The following DCAF12 variants were observed in gnomAD, a reference collection of about 807,000 sequenced individuals.
The protein encoded by DCAF12 is DDB1 and CUL4 associated factor 12, also known as DDB1- and CUL4-associated factor 12.
In DCAF12, 28 loss-of-function variants were observed where a neutral mutation model predicts 52.8. The ratio of observed to expected loss-of-function variants is 0.53; its 90% CI spans 0.39 to 0.73. The LOEUF is 0.73. DCAF12 is among the 30% of genes least tolerant of loss of function. DCAF12 has a pLI of 0.00. For synonymous variants in DCAF12, 196 were observed against 215.5 expected, an observed-to-expected ratio of 0.91 and a Z score of 0.79; for missense variants, 425 against 552.2, an observed-to-expected ratio of 0.77 and a Z score of 2.31.
intron 1 of DCAF12, 112 bp from the exon 2 acceptor site, chr9:34,125,389 C>T (rs1829233500): frequency 3.2e-6 from 4 of 1,232,030 alleles, no homozygotes; most frequent in South Asian, 2.9e-5. Flanking sequence ...TTACAAACAA[C>T]ACAAATACAA....
chr9:34,091,796 TGAGAAATGGGATAAAGC>T lies in DCAF12; in HGVS notation c.1024+1473_1024+1489del, dbSNP rs1025020223. ...AGGATAACACAGCCATATTTTTGCATGAGAAATGGGATAAAGCGAGAAATGGGATAAAGTGAGATAAA... is the reference window on the plus strand; with the variant it reads ...AGGATAACACAGCCATATTTTTGCATGAGAAATGGGATAAAGTGAGATAAA... On this transcript the variant is annotated intron_variant, in intron 7 of 8. Coordinates refer to ENST00000361264, the MANE Select transcript of DCAF12 (RefSeq NM_015397.4). Among the ~76,000 whole-genome samples, 17 of 152,206 alleles carry T rather than the reference TGAGAAATGGGATAAAGC, an allele frequency of 1.1e-4. No homozygotes were observed. The East Asian group carries it at 1.3e-3, about 12-fold the overall frequency.
chr9:34,112,917 A>C (rs1829027457), intron 2 of DCAF12, among the ~76,000 whole-genome samples: 1 of 152,030 alleles, frequency 6.6e-6, no homozygotes, highest in Non-Finnish European at 1.5e-5. Context: ...AACTAATAAT[A>C]AACAAATGAT....
chr9:34,112,483 A>C (rs1458191586), intron 2 of DCAF12, among the ~76,000 whole-genome samples: 1 of 151,712 alleles, frequency 6.6e-6, no homozygotes, highest in Non-Finnish European at 1.5e-5. Context: ...AATCCTGGCT[A>C]CTCGGGAGGC....
chr9:34,119,188 T>C (rs1393215924), intron 2 of DCAF12, among the ~76,000 whole-genome samples: 2 of 152,170 alleles, frequency 1.3e-5, no homozygotes, highest in Admixed American at 6.6e-5. Context: ...TTTGAGCCCC[T>C]ACTTCGGTCC....
intron 7 of DCAF12, among the ~76,000 whole-genome samples, chr9:34,091,959 T>C (rs551590852): frequency 6.6e-6 from 1 of 152,338 alleles, no homozygotes; most frequent in African/African-American, 2.4e-5. Context: ...TTTTCTCATC[T>C]GCTTCCCACA....
At chr9:34,101,583 G>A (rs1286567836) in intron 4 of DCAF12, among the ~76,000 whole-genome samples, 4 of 150,548 alleles carry the variant, frequency 2.7e-5, no homozygotes, top group African/African-American at 9.8e-5. Context: ...GTAGAGACGG[G>A]GTTTCTCTAT....
At position 34,125,127 on chromosome 9, in the gene DCAF12, T is replaced by C. The variant is rs1248709543; in HGVS notation, c.229A>G (p.Ser77Gly). The change falls in exon 2 of 9, where the codon AGT becomes GGT. Residue 77 changes from serine to glycine, a missense_variant. By Grantham distance (56) the Ser-to-Gly change is moderately conservative. Coordinates refer to ENST00000361264, the MANE Select transcript of DCAF12 (RefSeq NM_015397.4). ...LHGYAAQQLP[S>G]LLKEREFHLG... ...TGAAACTCTCTCTCCTTCAGGAGACTGGGAAGTTGCTGTGCTGCATAACCA... is the reference window on the plus strand; with the variant it reads ...TGAAACTCTCTCTCCTTCAGGAGACCGGGAAGTTGCTGTGCTGCATAACCA... The C allele has an allele frequency of 6.2e-7, 1 of 1,614,160 alleles. No individual in the cohort carries two copies. The highest frequency in any genetic ancestry group is 1.7e-5 in the Admixed American group (1 of 60,010).
Position 34,089,443 on chromosome 9 carries a change from T to G in DCAF12, c.1172A>C (p.Asn391Thr), listed in dbSNP as rs976356325. The change falls in exon 8 of 9, where the codon AAT becomes ACT. Residue 391 changes from asparagine (N) to threonine (T), a missense_variant. Transcript: ENST00000361264. ...YGSKPRLAGE[N>T]LKLTTGKGWL... Reference sequence around the variant, plus strand: ...GCCTTTGCCAGTGGTTAGTTTCAGATTCTCCCCTGCTAGTCTGGGCTTGGA... The same window carrying G: ...GCCTTTGCCAGTGGTTAGTTTCAGAGTCTCCCCTGCTAGTCTGGGCTTGGA... 1.2e-6 allele frequency: 2 copies of G among 1,613,858 alleles called. No homozygotes were observed. Among genetic ancestry groups the G allele is most frequent in the Non-Finnish European group, 1.7e-6 (2 of 1,179,950 alleles).
chr9:34,102,723 G>A (rs55672700), intron 4 of DCAF12, among the ~76,000 whole-genome samples: 13,772 of 151,980 alleles, frequency 0.091, 900 homozygotes, highest in Non-Finnish European at 0.13. Flanking sequence ...ATATACTGTT[G>A]GTGGCAAGCT....
intron 2 of DCAF12, among the ~76,000 whole-genome samples, chr9:34,118,427 C>T (rs553535565): frequency 3.4e-4 from 52 of 152,272 alleles, no homozygotes; most frequent in African/African-American, 1.3e-3. Flanking sequence ...AGCCACTGCC[C>T]CCGGCCTGAA....
At chr9:34,110,508 A>G (rs1828981422) in intron 2 of DCAF12, among the ~76,000 whole-genome samples, 1 of 152,160 alleles carries the variant, frequency 6.6e-6, no homozygotes, top group Non-Finnish European at 1.5e-5. Context: ...TCAACTTCCT[A>G]AAAATGGAAA....
chr9:34,115,829 T>C (rs1399809561), intron 2 of DCAF12, among the ~76,000 whole-genome samples: 2 of 152,060 alleles, frequency 1.3e-5, no homozygotes, highest in African/African-American at 4.8e-5. Context: ...CCTCCCGCCT[T>C]AGTCTCCCAA....
intron 2 of DCAF12, among the ~76,000 whole-genome samples, chr9:34,110,990 T>G (rs1828993762): frequency 6.7e-6 from 1 of 149,962 alleles, no homozygotes; most frequent in South Asian, 2.1e-4. Flanking sequence ...TTTCTGTTTT[T>G]TTTTTTTTTT....
chr9:34,090,877 C>T (rs1478836961), intron 7 of DCAF12, among the ~76,000 whole-genome samples: 1 of 151,412 alleles, frequency 6.6e-6, no homozygotes, highest in African/African-American at 2.4e-5. Flanking sequence ...AGGCTGGTCT[C>T]GAACTCCTGA....
At chr9:34,113,969 G>A (rs10971925) in intron 2 of DCAF12, among the ~76,000 whole-genome samples, 8,996 of 152,040 alleles carry the variant, frequency 0.059, 384 homozygotes, top group South Asian at 0.22. Flanking sequence ...TTAGCCGGGC[G>A]TGGTGGTGGG....
rs1330644644 is a variant in DCAF12, at chr9:34,093,344, CAAG to C, written c.963_965del (p.Phe321del). The C allele has an allele frequency of 8.7e-6, 14 of 1,614,096 alleles. No homozygotes were observed. Among genetic ancestry groups the C allele is most frequent in the Non-Finnish European group, 1.1e-5 (13 of 1,180,044 alleles). ...CGTTGTATGATGGCTGCCGTGGATCCAAGAAGGAGACATGAGCTTGGGAGCCCA... is the reference window on the plus strand; with the variant it reads ...CGTTGTATGATGGCTGCCGTGGATCCAAGGAGACATGAGCTTGGGAGCCCA... On this transcript the variant is annotated inframe_deletion, in exon 7 of 9. Coordinates refer to ENST00000361264, the MANE Select transcript of DCAF12 (RefSeq NM_015397.4).
chr9:34,126,058 G>T (rs145946538), intron 1 of DCAF12, among the ~76,000 whole-genome samples: 4 of 152,108 alleles, frequency 2.6e-5, no homozygotes, highest in African/African-American at 4.8e-5. Context: ...CCTTAACTTC[G>T]GTTTCCCCTT....
At chr9:34,099,090 CAG>C (rs1417720757) in intron 4 of DCAF12, among the ~76,000 whole-genome samples, 6 of 149,098 alleles carry the variant, frequency 4.0e-5, no homozygotes, top group Non-Finnish European at 7.4e-5. Flanking sequence ...TTTTTTGAGA[CAG>C]AGTCTCGCTC....
At chr9:34,113,353 G>A (rs1564100818) in intron 2 of DCAF12, among the ~76,000 whole-genome samples, 1 of 152,024 alleles carries the variant, frequency 6.6e-6, no homozygotes, top group African/African-American at 2.4e-5. Flanking sequence ...TACGCGGCCT[G>A]AATTTTTTCT....
Sources: allele counts gnomAD v4.1 joint callset (sites outside exome capture counted in the v4.1 genomes callset), GRCh38; gene constraint gnomAD v4.1.1; transcripts MANE v1.5; gene names NCBI Gene and HGNC (gene_info 2026-07-23, HGNC 2026-07-21).